Variants in HIVEP2 observed in about 807,000 individuals in gnomAD.
HIVEP2 encodes the protein transcription factor HIVEP2.
In HIVEP2, 14 loss-of-function variants were observed where a neutral mutation model predicts 180.7. That is an observed-to-expected ratio of 0.08 (90% CI 0.05 to 0.12). The LOEUF (loss-of-function observed/expected upper bound fraction) is 0.12. Ranked by LOEUF, HIVEP2 falls within the 10% of genes least tolerant of loss-of-function variation. HIVEP2 has a pLI of 1.00. For missense variants in HIVEP2, 2,579 were observed against 3,008.5 expected (o/e 0.86, Z 3.34); for synonymous variants, 1,184 against 1,136.4 (o/e 1.04, Z -0.84).
chr6:142,801,071 G>T (rs1776393965), intron 2 of HIVEP2, among the ~76,000 whole-genome samples: 1 of 151,816 alleles, frequency 6.6e-6, no homozygotes, highest in South Asian at 2.1e-4. Flanking sequence ...AAAGAGGCCA[G>T]GGTAGCCCAT....
intron 1 of HIVEP2, among the ~76,000 whole-genome samples, chr6:142,896,671 T>G (rs980452012): frequency 1.3e-5 from 2 of 152,190 alleles, no homozygotes; most frequent in African/African-American, 4.8e-5. Context: ...AAATAATGAA[T>G]TTTTCAAAGA....
Position 142,774,944 on chromosome 6 carries a change from T to TA in HIVEP2, c.-207dup. The TA allele has an allele frequency of 7.1e-7, 1 of 1,411,134 alleles. No individual in the cohort carries two copies. The highest frequency in any genetic ancestry group is 3.0e-5 in the Admixed American group (1 of 33,188). 87.4% of individuals were successfully genotyped at this position (1,411,134 alleles called of 1,614,324 possible). A position where few individuals can be genotyped will look rare whatever the true frequency, so the allele number is the denominator to read the frequency against. ...TAGTAATGTCCTTGGACCAGGGCTATAACACAGTTCTCTCCATTGTAGAAA... is the reference window on the plus strand; with the variant it reads ...TAGTAATGTCCTTGGACCAGGGCTATAAACACAGTTCTCTCCATTGTAGAAA... On this transcript the variant is annotated 5_prime_UTR_variant, in exon 5 of 10. It removes the in-frame stop codon of an upstream open reading frame in the 5' UTR. Coordinates refer to ENST00000367603, the MANE Select transcript of HIVEP2 (RefSeq NM_006734.4). The surrounding 1 kb of genome is among the most constrained non-coding windows in gnomAD (Gnocchi z 5.1).
rs1346147763 is a variant in HIVEP2 at position 142,753,586 on chromosome 6, G to C, written c.6862C>G (p.His2288Asp). The change falls in exon 10 of 10, where the codon CAC (histidine) becomes GAC (aspartate). Residue 2288 changes from histidine to aspartate, a missense_variant. Around this residue, in one of 11 missense-constraint regions of HIVEP2, gnomAD observed 660 missense variants for 731.7 expected, o/e 0.90. Transcript: ENST00000367603. Reference protein sequence around the residue: ...LSKQHEKRGPHALQSSGPPST... With the variant: ...LSKQHEKRGPDALQSSGPPST... ...GGTGGACCAGATGACTGCAAAGCGTGAGGACCTCGCTTCTCATGCTGCTTA... is the reference window on the plus strand; with the variant it reads ...GGTGGACCAGATGACTGCAAAGCGTCAGGACCTCGCTTCTCATGCTGCTTA... 2 of 1,614,072 alleles carry C rather than the reference G, an allele frequency of 1.2e-6. No individual in the cohort carries two copies. Among genetic ancestry groups the C allele is most frequent in the Non-Finnish European group, 1.7e-6 (2 of 1,180,014 alleles).
intron 2 of HIVEP2, among the ~76,000 whole-genome samples, chr6:142,823,883 C>T (rs1463431341): frequency 6.6e-6 from 1 of 152,124 alleles, no homozygotes; most frequent in Non-Finnish European, 1.5e-5. Context: ...GCTTCAGCAG[C>T]ATTTAAATAA....
At chr6:142,836,516 G>C (rs1029272372) in intron 2 of HIVEP2, among the ~76,000 whole-genome samples, 1 of 152,010 alleles carries the variant, frequency 6.6e-6, no homozygotes, top group African/African-American at 2.4e-5. Flanking sequence ...AAATGAGAAT[G>C]GTTTAAAATA....
chr6:142,857,138 A>G (rs1775843486), intron 1 of HIVEP2, among the ~76,000 whole-genome samples: 2 of 152,238 alleles, frequency 1.3e-5, no homozygotes, highest in Middle Eastern at 3.4e-3. Context: ...ACTGTCACCA[A>G]CCAGCGAATG....
At chr6:142,918,375 AAGAGTTAAAATTACAACAGCACCC>A (rs1777611818) in intron 1 of HIVEP2, among the ~76,000 whole-genome samples, 4 of 152,150 alleles carry the variant, frequency 2.6e-5, no homozygotes, top group Admixed American at 2.6e-4. Flanking sequence ...AAACGAACTC[AAGAGTTAAAATTACAACAGCACCC>A]AGAGAGTTGC....
At chr6:142,858,645 G>A (rs2114947674) in intron 1 of HIVEP2, among the ~76,000 whole-genome samples, 1 of 152,088 alleles carries the variant, frequency 6.6e-6, no homozygotes, top group South Asian at 2.1e-4. Context: ...AGGCTGGAGT[G>A]CAATGACACG....
intron 1 of HIVEP2, among the ~76,000 whole-genome samples, chr6:142,918,271 C>A (rs2128433190): frequency 6.6e-6 from 1 of 151,994 alleles, no homozygotes; most frequent in African/African-American, 2.4e-5. Context: ...GTCTCAAAGT[C>A]CTGACCTCAG....
At chr6:142,904,937 G>A (rs1777226031) in intron 1 of HIVEP2, among the ~76,000 whole-genome samples, 1 of 152,116 alleles carries the variant, frequency 6.6e-6, no homozygotes, top group Admixed American at 6.6e-5. Flanking sequence ...AGGCTGATAT[G>A]TCATTAGCAT....
intron 1 of HIVEP2, among the ~76,000 whole-genome samples, chr6:142,926,684 C>G (rs1382971166): frequency 6.6e-6 from 1 of 152,204 alleles, no homozygotes; most frequent in Non-Finnish European, 1.5e-5. Context: ...GCGAGCCCAA[C>G]TGTCCCCTGA....
chr6:142,767,330 A>G (rs1166934835), intron 6 of HIVEP2, among the ~76,000 whole-genome samples: 1 of 152,248 alleles, frequency 6.6e-6, no homozygotes, highest in Non-Finnish European at 1.5e-5. Context: ...ATGACTACAT[A>G]CAATTGTGGT....
chr6:142,927,325 T>G (rs557783988), intron 1 of HIVEP2, among the ~76,000 whole-genome samples: 1 of 152,232 alleles, frequency 6.6e-6, no homozygotes, highest in Non-Finnish European at 1.5e-5. Flanking sequence ...GATGACTCTT[T>G]TTTCCACTAG....
chr6:142,903,180 A>G (rs1405922019), intron 1 of HIVEP2, among the ~76,000 whole-genome samples: 1 of 152,226 alleles, frequency 6.6e-6, no homozygotes, highest in Non-Finnish European at 1.5e-5. Context: ...AATATTGTAA[A>G]TGTTCATTGG....
At chr6:142,860,138 G>A (rs1775936878) in intron 1 of HIVEP2, among the ~76,000 whole-genome samples, 1 of 151,932 alleles carries the variant, frequency 6.6e-6, no homozygotes, top group South Asian at 2.1e-4. Flanking sequence ...AAAAAGATAA[G>A]AAAAAAACTG....
intron 2 of HIVEP2, among the ~76,000 whole-genome samples, chr6:142,802,349 T>C (rs957684318): frequency 5.9e-5 from 9 of 152,064 alleles, no homozygotes; most frequent in Non-Finnish European, 1.2e-4. Flanking sequence ...ATGGCTCATC[T>C]CTCTGTAGCA....
chr6:142,893,456 G>A (rs1167801154), intron 1 of HIVEP2, among the ~76,000 whole-genome samples: 2 of 152,100 alleles, frequency 1.3e-5, no homozygotes, highest in African/African-American at 4.8e-5. Flanking sequence ...TTATCAAGCA[G>A]GTACTGTACA....
chr6:142,771,620 G>T lies in HIVEP2; in HGVS notation c.3119C>A (p.Pro1040Gln), dbSNP rs755190455. 3.3e-5 allele frequency: 53 copies of T among 1,614,046 alleles called. No homozygotes were observed. Among genetic ancestry groups the T allele is most frequent in the Non-Finnish European group, 4.2e-5 (49 of 1,180,050 alleles). Residue 1040 changes from proline to glutamine, a missense_variant, in exon 5 of 10, where the codon CCA becomes CAA. Physicochemically the swap from Pro to Gln is moderately conservative, Grantham distance 76. Coordinates refer to ENST00000367603, the MANE Select transcript of HIVEP2 (RefSeq NM_006734.4). This position sits in a 1 kb window ranked among gnomAD's most constrained non-coding sequence, Gnocchi z 5.4. ...GCTCCGAACTTCTGGGACTTCCGCT[G>T]GGTGAGGACAAGGCATCTGCTCTGA... is the stretch of plus-strand genomic sequence containing the variant. ...CSSEQMPCPH[P>Q]AEVPEVRSKS...
intron 1 of HIVEP2, among the ~76,000 whole-genome samples, chr6:142,868,423 C>T (rs569789932): frequency 6.6e-6 from 1 of 152,180 alleles, no homozygotes; most frequent in South Asian, 2.1e-4. Flanking sequence ...AGTGAAATGT[C>T]TATATCCCTA....
Sources: allele counts gnomAD v4.1 joint callset (sites outside exome capture counted in the v4.1 genomes callset), GRCh38; gene constraint gnomAD v4.1.1; regional missense constraint gnomAD v4.1.1; non-coding constraint Gnocchi (gnomAD v3.1); transcripts MANE v1.5; gene names NCBI Gene and HGNC (gene_info 2026-07-23, HGNC 2026-07-21).